Variants in NEK1 observed in about 807,000 individuals in gnomAD.
NEK1 encodes serine/threonine-protein kinase Nek1.
A neutral mutation model predicts 182.1 loss-of-function variants in NEK1; 137 were observed. The ratio of observed to expected loss-of-function variants is 0.75; its 90% CI spans 0.65 to 0.87. NEK1 has a LOEUF of 0.87. Among genes scored for constraint, NEK1 ranks in the 40% least tolerant of loss-of-function variants. The pLI is 0.00. For synonymous variants in NEK1, 513 were observed against 492.2 expected, an observed-to-expected ratio of 1.04 and a Z score of -0.56; for missense variants, 1,391 against 1,494.4, an observed-to-expected ratio of 0.93 and a Z score of 1.14.
chr4:169,558,700 A>G (rs1290461025), intron 16 of NEK1, among the ~76,000 whole-genome samples: 1 of 152,220 alleles, frequency 6.6e-6, no homozygotes, highest in African/African-American at 2.4e-5. Flanking sequence ...TGTGGAATAT[A>G]TAATTTTTCT....
chr4:169,530,765 A>AT (rs1345779504), intron 19 of NEK1, among the ~76,000 whole-genome samples: 1 of 151,538 alleles, frequency 6.6e-6, no homozygotes, highest in Non-Finnish European at 1.5e-5. Flanking sequence ...GCGGGGGGTG[A>AT]TGGAATTGTT....
In NEK1 at chr4:169,392,945, A is replaced by T. The variant is rs1338005794; in HGVS notation, c.*1565T>A. 6.6e-6 allele frequency: 1 copy of T among 152,190 alleles called. No homozygotes were observed. The highest frequency in any genetic ancestry group is 1.5e-5 in the Non-Finnish European group (1 of 68,036). The allele number at this position is 152,190 out of a possible 1,614,324, so 9.4% of individuals were successfully genotyped here. A position where few individuals can be genotyped will look rare whatever the true frequency, so the allele number is the denominator to read the frequency against. On this transcript the variant is annotated 3_prime_UTR_variant, in exon 36 of 36. Coordinates refer to ENST00000507142, the MANE Select transcript of NEK1 (RefSeq NM_001199397.3). ...CCATAACAACACTCCAGAGTCACAC[A>T]CTGCTAATCGACTGGAGATGGCACA...
chr4:169,495,238 T>C lies in NEK1; in HGVS notation c.2007+11799A>G, dbSNP rs569191334. ...TATGGTTTTAGGTCTAACATTTAAG[T>C]CTTTTTTTTTTTTTTTTTTTTTTGA... On this transcript the variant is annotated intron_variant, in intron 23 of 35. Coordinates refer to ENST00000507142, the MANE Select transcript of NEK1 (RefSeq NM_001199397.3). Among the ~76,000 whole-genome samples, 13 of 129,364 alleles carry C rather than the reference T, an allele frequency of 1.0e-4. No homozygotes were observed. In the South Asian group the frequency reaches 3.4e-3, roughly 34 times the overall value. 84.9% of individuals were successfully genotyped at this position (129,364 alleles called of 152,430 possible).
chr4:169,449,229 C>G (rs975596910), intron 27 of NEK1, among the ~76,000 whole-genome samples: 1 of 152,140 alleles, frequency 6.6e-6, no homozygotes, highest in African/African-American at 2.4e-5. Context: ...GTGGGCAGGG[C>G]ATAGCTGAAC....
intron 23 of NEK1, among the ~76,000 whole-genome samples, chr4:169,496,781 T>G (rs2149642552): frequency 6.6e-6 from 1 of 152,240 alleles, no homozygotes; most frequent in African/African-American, 2.4e-5. Flanking sequence ...ATAAGCTTTT[T>G]GATGTGCTGC....
At chr4:169,508,204 A>G (rs775116915) in intron 21 of NEK1, 44 bp downstream of exon 21, 1 of 1,486,176 alleles carries the variant, frequency 6.7e-7, no homozygotes, top group Non-Finnish European at 9.1e-7. Context: ...TTAACCTACT[A>G]TGACATCATT....
At chr4:169,563,907 C>T (rs1763308854) in intron 12 of NEK1, among the ~76,000 whole-genome samples, 1 of 152,136 alleles carries the variant, frequency 6.6e-6, no homozygotes, top group Non-Finnish European at 1.5e-5. Flanking sequence ...ACTGTTGAAA[C>T]GTCCCTGTAT....
chr4:169,538,792 C>A (rs917356954), intron 18 of NEK1, among the ~76,000 whole-genome samples: 1 of 152,074 alleles, frequency 6.6e-6, no homozygotes, highest in East Asian at 1.9e-4. Context: ...GGGACCATAA[C>A]TAAATTATGT....
At chr4:169,590,205 G>T (rs1416390153) in intron 6 of NEK1, among the ~76,000 whole-genome samples, 2 of 152,174 alleles carry the variant, frequency 1.3e-5, no homozygotes, top group Non-Finnish European at 2.9e-5. Flanking sequence ...CTACTCGTTG[G>T]TCTGAGGCAG....
At chr4:169,499,991 C>G (rs1752120450) in intron 23 of NEK1, among the ~76,000 whole-genome samples, 1 of 152,196 alleles carries the variant, frequency 6.6e-6, no homozygotes, top group African/African-American at 2.4e-5. Context: ...ATGCCCTGCC[C>G]CCAGAGGTGG....
At chr4:169,456,564 T>C (rs558724410) in intron 27 of NEK1, among the ~76,000 whole-genome samples, 16 of 152,284 alleles carry the variant, frequency 1.1e-4, no homozygotes, top group African/African-American at 3.8e-4. Context: ...AAAGGATCTT[T>C]AGAAGCTACT....
At chr4:169,462,992 A>T (rs1331710270) in intron 27 of NEK1, among the ~76,000 whole-genome samples, 1 of 151,986 alleles carries the variant, frequency 6.6e-6, no homozygotes, top group African/African-American at 2.4e-5. Context: ...CATCATTCTG[A>T]CTTTTCCAAC....
At chr4:169,498,847 T>C (rs1319549608) in intron 23 of NEK1, among the ~76,000 whole-genome samples, 2 of 152,228 alleles carry the variant, frequency 1.3e-5, no homozygotes, top group African/African-American at 4.8e-5. Flanking sequence ...ATTTTTTCCT[T>C]CATTTCAACT....
intron 18 of NEK1, among the ~76,000 whole-genome samples, chr4:169,542,026 T>C (rs1333220124): frequency 6.6e-6 from 1 of 152,148 alleles, no homozygotes; most frequent in Non-Finnish European, 1.5e-5. Context: ...ATTCCCAGAC[T>C]CTTTTTGTTT....
intron 20 of NEK1, 73 bp downstream of exon 20, chr4:169,508,696 C>T: frequency 8.8e-7 from 1 of 1,131,980 alleles, no homozygotes; most frequent in Admixed American, 2.5e-5. Context: ...AGAATTTAAA[C>T]CATGCAAGAA....
Position 169,545,894 on chromosome 4 carries a change from A to G in NEK1, c.1563-7983T>C, listed in dbSNP as rs72974734. On this transcript the variant is annotated intron_variant, in intron 18 of 35. Coordinates refer to ENST00000507142, the MANE Select transcript of NEK1 (RefSeq NM_001199397.3). ...ATGTCCTTCGCCCACTTCAAGGAGA[A>G]CTACAAACCACCCAAGGAAATAAAA... Among the ~76,000 whole-genome samples, 1,211 of 152,290 alleles carry G rather than the reference A, an allele frequency of 8.0e-3. 20 individuals are homozygous for G. The highest frequency in any genetic ancestry group is 0.027 in the African/African-American group (1,133 of 41,552).
At chr4:169,499,459 T>C (rs1178459652) in intron 23 of NEK1, among the ~76,000 whole-genome samples, 1 of 152,240 alleles carries the variant, frequency 6.6e-6, no homozygotes, top group Non-Finnish European at 1.5e-5. Context: ...CTGCATTCCT[T>C]TGGAGGAGGA....
In NEK1 at chr4:169,595,780, C is replaced by T. The variant is rs187371050; in HGVS notation, c.312+3320G>A. On this transcript the variant is annotated intron_variant, in intron 5 of 35. Coordinates refer to ENST00000507142, the MANE Select transcript of NEK1 (RefSeq NM_001199397.3). ...CTACTAAAAATCCAAAAAAATTAGCCGGCGTGGTGGCGGGCGCCTGTAGTC... is the reference window on the plus strand; with the variant it reads ...CTACTAAAAATCCAAAAAAATTAGCTGGCGTGGTGGCGGGCGCCTGTAGTC... Among the ~76,000 whole-genome samples the T allele has an allele frequency of 3.5e-3, 536 of 151,778 alleles. 4 individuals are homozygous for T. The highest frequency in any genetic ancestry group is 0.012 in the African/African-American group (495 of 41,384).
intron 2 of NEK1, among the ~76,000 whole-genome samples, chr4:169,605,596 T>G (rs895940294): frequency 1.3e-5 from 2 of 152,184 alleles, no homozygotes; most frequent in Admixed American, 6.5e-5. Flanking sequence ...CCAAATGAAA[T>G]AGAAAACAAT....
Sources: allele counts gnomAD v4.1 joint callset (sites outside exome capture counted in the v4.1 genomes callset), GRCh38; gene constraint gnomAD v4.1.1; transcripts MANE v1.5; gene names NCBI Gene and HGNC (gene_info 2026-07-23, HGNC 2026-07-21).